Variants in HS3ST4 observed in about 807,000 individuals in gnomAD.
HS3ST4 encodes heparan sulfate-glucosamine 3-sulfotransferase 4.
Under a neutral mutation model 29.2 loss-of-function variants are expected in HS3ST4, and 17 were observed. The ratio of observed to expected loss-of-function variants is 0.58; its 90% CI spans 0.40 to 0.87. The LOEUF (loss-of-function observed/expected upper bound fraction) is 0.87, where lower values mean the gene tolerates loss of function less well. Among genes scored for constraint, HS3ST4 ranks in the 40% least tolerant of loss-of-function variants. HS3ST4 has a pLI of 0.00. For missense variants in HS3ST4, 627 were observed against 634.5 expected (o/e 0.99, Z 0.13); for synonymous variants, 314 against 285.7 (o/e 1.10, Z -1.00).
intron 1 of HS3ST4, among the ~76,000 whole-genome samples, chr16:25,945,631 C>G (rs1268964112): frequency 6.6e-6 from 1 of 152,184 alleles, no homozygotes; most frequent in Non-Finnish European, 1.5e-5. Flanking sequence ...CTTTTGTTAT[C>G]AACTACTTGA....
At chr16:26,049,296 G>T (rs112375312) in intron 1 of HS3ST4, among the ~76,000 whole-genome samples, 10,829 of 151,354 alleles carry the variant, frequency 0.072, 635 homozygotes, top group Middle Eastern at 0.16. Flanking sequence ...GGCAAGGTGA[G>T]GGGGGAGGAA....
chr16:25,911,545 C>T (rs1012069292), intron 1 of HS3ST4, among the ~76,000 whole-genome samples: 1 of 131,046 alleles, frequency 7.6e-6, no homozygotes. Context: ...CTCACTCTGT[C>T]GCCCAGGCTG....
intron 1 of HS3ST4, among the ~76,000 whole-genome samples, chr16:26,110,261 T>A (rs1899111404): frequency 6.6e-6 from 1 of 152,218 alleles, no homozygotes; most frequent in Non-Finnish European, 1.5e-5. Flanking sequence ...TTCCTATATC[T>A]GTATATATTA....
intron 1 of HS3ST4, among the ~76,000 whole-genome samples, chr16:25,744,218 T>C (rs555746567): frequency 4.1e-4 from 63 of 152,360 alleles, no homozygotes; most frequent in African/African-American, 1.4e-3. Context: ...TTGACTAATA[T>C]TGAGTAAAGT....
chr16:25,825,404 C>T (rs1157837852), intron 1 of HS3ST4: 2 of 152,146 alleles, frequency 1.3e-5, no homozygotes, highest in Non-Finnish European at 2.9e-5. Flanking sequence ...ATAGATGGTG[C>T]AATGGTTTGT....
chr16:26,122,179 C>CAA (rs200699173), intron 1 of HS3ST4, among the ~76,000 whole-genome samples: 5,063 of 101,226 alleles, frequency 0.05, 255 homozygotes, highest in African/African-American at 0.13. Flanking sequence ...ATAAACTAAG[C>CAA]AAAAAAAAAA....
chr16:25,795,902 A>G (rs942195459), intron 1 of HS3ST4, among the ~76,000 whole-genome samples: 17 of 151,876 alleles, frequency 1.1e-4, no homozygotes, highest in African/African-American at 4.1e-4. Context: ...GGGTATTTCC[A>G]TCTAATTTTT....
chr16:25,986,125 T>G (rs554581492), intron 1 of HS3ST4, among the ~76,000 whole-genome samples: 5 of 152,328 alleles, frequency 3.3e-5, no homozygotes, highest in African/African-American at 1.2e-4. Context: ...CAGCATCCTC[T>G]ATCACCCAGT....
intron 1 of HS3ST4, among the ~76,000 whole-genome samples, chr16:25,729,891 C>A (rs1966559815): frequency 2.0e-5 from 3 of 152,152 alleles, no homozygotes; most frequent in Admixed American, 2.0e-4. Flanking sequence ...CTTTCCAGAG[C>A]ATTAAATGAG....
Position 26,039,700 on chromosome 16 carries a change from G to A in HS3ST4, c.735-95912G>A, listed in dbSNP as rs535623908. On this transcript the variant is annotated intron_variant, in intron 1 of 1. Transcript: ENST00000331351. ...TAGGTCTTATTCATTCTATTTTTTT[G>A]TACTCATTAAGCATCTCCACCTCCC... is the stretch of plus-strand genomic sequence containing the variant. Among the ~76,000 whole-genome samples the A allele has an allele frequency of 2.0e-5, 3 of 151,724 alleles. No homozygotes were observed. In the South Asian group the frequency reaches 6.3e-4, roughly 32 times the overall value.
chr16:25,884,910 T>A (rs1967934249), intron 1 of HS3ST4, among the ~76,000 whole-genome samples: 1 of 152,200 alleles, frequency 6.6e-6, no homozygotes, highest in African/African-American at 2.4e-5. Context: ...ACTTTTTGTT[T>A]ACCCCTTAGT....
At chr16:26,061,313 G>T (rs945308768) in intron 1 of HS3ST4, among the ~76,000 whole-genome samples, 19 of 152,322 alleles carry the variant, frequency 1.2e-4, no homozygotes, top group Admixed American at 3.3e-4. Context: ...TTTAACAGGA[G>T]ATTGCTCATT....
chr16:25,967,403 C>T (rs993049901), intron 1 of HS3ST4, among the ~76,000 whole-genome samples: 2 of 152,142 alleles, frequency 1.3e-5, no homozygotes, highest in Non-Finnish European at 2.9e-5. Flanking sequence ...ATCCGCCCAC[C>T]TCAGTCTCCC....
At chr16:26,051,419 G>A (rs1322262958) in intron 1 of HS3ST4, among the ~76,000 whole-genome samples, 1 of 151,994 alleles carries the variant, frequency 6.6e-6, no homozygotes, top group Non-Finnish European at 1.5e-5. Context: ...CCTTCACAGG[G>A]CAAGTGAAAC....
Position 26,055,902 on chromosome 16 carries a change from T to C in HS3ST4, c.735-79710T>C, listed in dbSNP as rs141080863. Among the ~76,000 whole-genome samples, 641 of 152,258 alleles carry C rather than the reference T, an allele frequency of 4.2e-3. 5 individuals carry two copies. The highest frequency in any genetic ancestry group is 5.4e-3 in the Non-Finnish European group (370 of 68,032). Reference sequence around the variant, plus strand: ...TGCAGTTTGGGCCAAGGGTTCTCAATGACCTGCTTGTCTGTTTACAGGGTT... The same window carrying C: ...TGCAGTTTGGGCCAAGGGTTCTCAACGACCTGCTTGTCTGTTTACAGGGTT... On this transcript the variant is annotated intron_variant, in intron 1 of 1. Transcript: ENST00000331351.
intron 1 of HS3ST4, among the ~76,000 whole-genome samples, chr16:26,120,366 C>A (rs1201391563): frequency 6.6e-6 from 1 of 152,174 alleles, no homozygotes; most frequent in Admixed American, 6.5e-5. Flanking sequence ...TATTTTACAT[C>A]ATTAAAGCTG....
At chr16:26,104,172 A>T (rs112245870) in intron 1 of HS3ST4, among the ~76,000 whole-genome samples, 3 of 152,118 alleles carry the variant, frequency 2.0e-5, no homozygotes, top group Admixed American at 6.6e-5. Context: ...CCTCAGTGTT[A>T]CCTTGTTTGA....
chr16:26,095,692 T>G (rs1186799588), intron 1 of HS3ST4, among the ~76,000 whole-genome samples: 1 of 152,016 alleles, frequency 6.6e-6, no homozygotes, highest in African/African-American at 2.4e-5. Flanking sequence ...CACTCTAACA[T>G]CACAATTAAA....
intron 1 of HS3ST4, among the ~76,000 whole-genome samples, chr16:25,864,521 C>A (rs1297012610): frequency 6.6e-6 from 1 of 152,174 alleles, no homozygotes; most frequent in Non-Finnish European, 1.5e-5. Context: ...GACACTTGGT[C>A]CCCTTTAACC....
Sources: allele counts gnomAD v4.1 joint callset (sites outside exome capture counted in the v4.1 genomes callset), GRCh38; gene constraint gnomAD v4.1.1; transcripts MANE v1.5; gene names NCBI Gene and HGNC (gene_info 2026-07-23, HGNC 2026-07-21).